NELL2: variants seen among roughly 807,000 people sequenced by gnomAD.
The protein encoded by NELL2 is protein kinase C-binding protein NELL2.
Under a neutral mutation model 109.6 loss-of-function variants are expected in NELL2, and 41 were observed. The observed-to-expected ratio is 0.37, with a 90% CI of 0.29 to 0.49. NELL2 has a LOEUF of 0.49. NELL2 is among the 20% of genes least tolerant of loss of function. The pLI is 0.98. For synonymous variants in NELL2, 355 were observed against 344.7 expected (o/e 1.03, Z -0.33); for missense variants, 900 against 1,008.3 (o/e 0.89, Z 1.45).
At chr12:44,711,937 C>T (rs1243011821) in intron 10 of NELL2, among the ~76,000 whole-genome samples, 1 of 151,968 alleles carries the variant, frequency 6.6e-6, no homozygotes, top group Non-Finnish European at 1.5e-5. Context: ...TTTTCAGGCA[C>T]ATAATTGGCA....
chr12:44,886,574 T>C lies in NELL2; in HGVS notation c.39-10674A>G, dbSNP rs1945475946. On this transcript the variant is annotated intron_variant, in intron 1 of 20. Coordinates refer to the NELL2 transcript ENST00000333837. ...CATAGTTTTGAGGTATATGAGATAA[T>C]TTAATACACTCATATAATTTGTAAA... is the stretch of plus-strand genomic sequence containing the variant. 1.3e-5 allele frequency among the ~76,000 whole-genome samples: 2 copies of C among 152,008 alleles called. 1 individual carries two copies. Among genetic ancestry groups the C allele is most frequent in the African/African-American group, 4.8e-5 (2 of 41,302 alleles).
chr12:44,587,284 A>ATAT (rs1555180981), intron 15 of NELL2, among the ~76,000 whole-genome samples: 2 of 72,206 alleles, frequency 2.8e-5, no homozygotes, highest in African/African-American at 1.0e-4. Flanking sequence ...AAAAAAAAAA[A>ATAT]ATATATATAT....
At chr12:44,628,070 A>C (rs2136281257) in intron 13 of NELL2, among the ~76,000 whole-genome samples, 2 of 152,312 alleles carry the variant, frequency 1.3e-5, no homozygotes, top group East Asian at 3.9e-4. Flanking sequence ...CGTACTTTAT[A>C]ATCAATGCTG....
chr12:44,718,068 T>C (rs939201487), intron 9 of NELL2, among the ~76,000 whole-genome samples: 1 of 152,098 alleles, frequency 6.6e-6, no homozygotes, highest in South Asian at 2.1e-4. Flanking sequence ...AAACAAAAGA[T>C]TTGAAAGAGA....
chr12:44,800,109 T>C (rs1287278518), intron 3 of NELL2, among the ~76,000 whole-genome samples: 1 of 147,886 alleles, frequency 6.8e-6, no homozygotes, highest in Non-Finnish European at 1.5e-5. Context: ...TGAGGAATCA[T>C]TAATTACTTA....
At chr12:44,706,010 T>G (rs1416753591) in intron 11 of NELL2, among the ~76,000 whole-genome samples, 1 of 152,178 alleles carries the variant, frequency 6.6e-6, no homozygotes, top group Non-Finnish European at 1.5e-5. Context: ...CCATTTTCAG[T>G]TCTGTTTCAG....
At chr12:44,920,037 T>A (rs935596594) in intron 1 of NELL2, among the ~76,000 whole-genome samples, 7 of 152,092 alleles carry the variant, frequency 4.6e-5, no homozygotes, top group African/African-American at 1.2e-4. Flanking sequence ...AAGCACGAAT[T>A]TTAAGGTTAG....
intron 2 of NELL2, among the ~76,000 whole-genome samples, chr12:44,818,447 G>C (rs1434431027): frequency 2.6e-5 from 4 of 152,186 alleles, no homozygotes; most frequent in East Asian, 3.9e-4. Context: ...ATGGAGAAAG[G>C]ATTACAGTGA....
intron 2 of NELL2, among the ~76,000 whole-genome samples, chr12:44,859,858 C>A (rs865853284): frequency 1.6e-4 from 24 of 152,160 alleles, no homozygotes; most frequent in Admixed American, 4.6e-4. Flanking sequence ...AAAATCAAGG[C>A]AGTGTTCCTC....
At chr12:44,627,942 T>A (rs1248032454) in intron 13 of NELL2, among the ~76,000 whole-genome samples, 4 of 152,202 alleles carry the variant, frequency 2.6e-5, no homozygotes, top group Non-Finnish European at 2.9e-5. Context: ...ACCAGAAGGC[T>A]GATTATCATT....
intron 1 of NELL2, among the ~76,000 whole-genome samples, chr12:44,907,430 T>G (rs1297676651): frequency 1.3e-5 from 2 of 152,116 alleles, no homozygotes; most frequent in Admixed American, 1.3e-4. Context: ...GTCATGAAAG[T>G]GTCAAATATT....
intron 11 of NELL2, 50 bp downstream of exon 11, chr12:44,711,242 C>G: frequency 7.7e-7 from 1 of 1,297,432 alleles, no homozygotes; most frequent in Non-Finnish European, 1.1e-6. Context: ...TTGTACTAGC[C>G]TACTATAATA....
intron 13 of NELL2, among the ~76,000 whole-genome samples, chr12:44,639,290 A>T (rs973464497): frequency 6.6e-6 from 1 of 152,168 alleles, no homozygotes; most frequent in Non-Finnish European, 1.5e-5. Flanking sequence ...TAATGACATA[A>T]ATGGATAAGC....
chr12:44,607,427 A>C (rs1945448245), intron 14 of NELL2, among the ~76,000 whole-genome samples, 163 bp from the exon 15 acceptor site: 2 of 152,134 alleles, frequency 1.3e-5, no homozygotes, highest in South Asian at 4.1e-4. Flanking sequence ...AAGAAACTTC[A>C]ACACAACTTG....
chr12:44,814,281 G>A (rs1943266209), intron 3 of NELL2, among the ~76,000 whole-genome samples: 1 of 152,170 alleles, frequency 6.6e-6, no homozygotes, highest in Admixed American at 6.5e-5. Context: ...TCTACAAACA[G>A]GGAAGTGGGA....
At chr12:44,848,240 A>G (rs975902071) in intron 2 of NELL2, among the ~76,000 whole-genome samples, 1 of 152,090 alleles carries the variant, frequency 6.6e-6, no homozygotes, top group Non-Finnish European at 1.5e-5. Flanking sequence ...CAGAAAGGAC[A>G]CTGGAGAAGT....
At chr12:44,816,188 G>T in intron 2 of NELL2, 52 bp from the exon 3 acceptor site, 1 of 1,454,440 alleles carries the variant, frequency 6.9e-7, no homozygotes, top group South Asian at 1.4e-5. Flanking sequence ...ATTTTATGAA[G>T]TATCTTTTAC....
chr12:44,554,764 G>GT (rs1338862127), intron 15 of NELL2, among the ~76,000 whole-genome samples: 9 of 152,160 alleles, frequency 5.9e-5, no homozygotes, highest in African/African-American at 2.2e-4. Flanking sequence ...GATACTTAAG[G>GT]TAACAAACTG....
At chr12:44,627,918 T>A (rs1267504094) in intron 13 of NELL2, among the ~76,000 whole-genome samples, 1 of 152,224 alleles carries the variant, frequency 6.6e-6, no homozygotes, top group Non-Finnish European at 1.5e-5. Flanking sequence ...ATAAAATGTA[T>A]TCCTGGAAAC....
Sources: gnomAD v4.1 joint callset for allele counts (sites outside exome capture counted in the v4.1 genomes callset) on GRCh38, gnomAD v4.1.1 for gene constraint, MANE v1.5 for transcripts, NCBI Gene and HGNC (gene_info 2026-07-23, HGNC 2026-07-21) for gene names.